The following INTU variants were observed in gnomAD, a reference collection of about 807,000 sequenced individuals.
INTU encodes protein inturned.
INTU carries 68 observed loss-of-function variants against 100.5 expected under a neutral mutation model. The ratio of observed to expected loss-of-function variants is 0.68; its 90% CI spans 0.56 to 0.83. The LOEUF (loss-of-function observed/expected upper bound fraction) is 0.83, where lower values mean the gene tolerates loss of function less well. INTU is among the 40% of genes least tolerant of loss of function. INTU has a pLI of 0.00. For synonymous variants in INTU, 357 were observed against 395.7 expected, an observed-to-expected ratio of 0.90 and a Z score of 1.16; for missense variants, 1,071 against 1,114.7, an observed-to-expected ratio of 0.96 and a Z score of 0.56.
chr4:127,667,744 G>GT (rs2126204925), intron 4 of INTU, among the ~76,000 whole-genome samples: 1 of 152,130 alleles, frequency 6.6e-6, no homozygotes, highest in South Asian at 2.1e-4. Flanking sequence ...ATAATGTTTT[G>GT]TAACTTTTTT....
chr4:127,679,525 G>A (rs1325482247), intron 6 of INTU, among the ~76,000 whole-genome samples: 3 of 152,034 alleles, frequency 2.0e-5, no homozygotes, highest in Admixed American at 6.6e-5. Flanking sequence ...ATGAAATGAA[G>A]GCAGAAATAA....
At chr4:127,660,206 G>A (rs927495338) in intron 3 of INTU, among the ~76,000 whole-genome samples, 12 of 152,152 alleles carry the variant, frequency 7.9e-5, no homozygotes, top group Non-Finnish European at 1.6e-4. Flanking sequence ...ATTTAAGATA[G>A]AGAGGAAGGA....
intron 2 of INTU, 95 bp downstream of exon 2, chr4:127,644,151 T>C (rs1727465964): frequency 3.2e-6 from 4 of 1,251,610 alleles, no homozygotes; most frequent in East Asian, 2.4e-5. Context: ...TTATATACAG[T>C]CTCCACAGAT....
chr4:127,710,759 A>C (rs1485678876), intron 13 of INTU, among the ~76,000 whole-genome samples, 154 bp from the exon 14 acceptor site: 2 of 152,320 alleles, frequency 1.3e-5, no homozygotes, highest in Middle Eastern at 3.4e-3. Flanking sequence ...AGAGGGAATT[A>C]AATGTTTAGC....
rs369968248 is a variant in INTU, at chr4:127,688,811, A to G, written c.1449+944A>G. 8.5e-5 allele frequency among the ~76,000 whole-genome samples: 13 copies of G among 152,070 alleles called. No homozygotes were observed. The East Asian group carries it at 1.9e-3, about 23-fold the overall frequency. Reference sequence around the variant, plus strand: ...GTAGTTATGGGAGCATTATTATACAATTACTATTTGAAAGGAGATGAGGTG... The same window carrying G: ...GTAGTTATGGGAGCATTATTATACAGTTACTATTTGAAAGGAGATGAGGTG... On this transcript the variant is annotated intron_variant, in intron 8 of 15. Transcript: ENST00000335251.
chr4:127,681,648 C>A (rs1374341630), intron 6 of INTU, among the ~76,000 whole-genome samples: 2 of 152,140 alleles, frequency 1.3e-5, no homozygotes, highest in Non-Finnish European at 2.9e-5. Context: ...ACCATAAAAA[C>A]CCTAGAAGAA....
intron 2 of INTU, among the ~76,000 whole-genome samples, chr4:127,651,117 A>C (rs1312092858): frequency 6.6e-6 from 1 of 151,980 alleles, no homozygotes; most frequent in Non-Finnish European, 1.5e-5. Context: ...TCTGGATATT[A>C]GCCCTTTGTC....
In INTU at chr4:127,713,944, A is replaced by G; in HGVS notation, c.2568A>G (p.Lys856=). The G allele has an allele frequency of 4.4e-6, 7 of 1,593,126 alleles. No individual in the cohort carries two copies. The highest frequency in any genetic ancestry group is 6.0e-6 in the Non-Finnish European group (7 of 1,167,012). ...FQQTLVEEKK[K]GLNSGDHSDS... ...TACCTATTAATTTACAGAAAAAGAAAGGACTAAATAGTGGAGACCATTCAG... is the reference window on the plus strand; with the variant it reads ...TACCTATTAATTTACAGAAAAAGAAGGGACTAAATAGTGGAGACCATTCAG... Residue 856 remains lysine, a synonymous_variant, in exon 15 of 16, where the codon AAA becomes AAG. Coordinates refer to ENST00000335251, the MANE Select transcript of INTU (RefSeq NM_015693.4).
chr4:127,681,034 C>T (rs982118042), intron 6 of INTU, among the ~76,000 whole-genome samples: 87 of 151,396 alleles, frequency 5.7e-4, no homozygotes, highest in Non-Finnish European at 9.8e-4. Context: ...ACCTAGGAAT[C>T]CAACTTACAA....
chr4:127,688,206 C>CAA (rs80107806), intron 8 of INTU, among the ~76,000 whole-genome samples: 7 of 115,020 alleles, frequency 6.1e-5, no homozygotes, highest in African/African-American at 1.2e-4. Flanking sequence ...TGTTTCTGTA[C>CAA]AAAAAAAAAA....
chr4:127,642,064 GT>G (rs1248961415), intron 1 of INTU, among the ~76,000 whole-genome samples: 2 of 151,964 alleles, frequency 1.3e-5, no homozygotes, highest in Non-Finnish European at 2.9e-5. Flanking sequence ...AGTAATTAAT[GT>G]GCAATCATGG....
At chr4:127,660,634 C>T (rs1439057122) in intron 3 of INTU, among the ~76,000 whole-genome samples, 1 of 152,040 alleles carries the variant, frequency 6.6e-6, no homozygotes, top group Non-Finnish European at 1.5e-5. Flanking sequence ...ATAGGATGGG[C>T]TAAAGACTGA....
intron 9 of INTU, among the ~76,000 whole-genome samples, chr4:127,702,918 G>A (rs1248647999): frequency 6.6e-6 from 1 of 152,010 alleles, no homozygotes; most frequent in Non-Finnish European, 1.5e-5. Flanking sequence ...TGCTCTGGTT[G>A]CTCAGCATAC....
At chr4:127,705,053 C>T (rs1730819067) in intron 10 of INTU, among the ~76,000 whole-genome samples, 2 of 151,750 alleles carry the variant, frequency 1.3e-5, no homozygotes, top group African/African-American at 4.8e-5. Flanking sequence ...GTTCGTGCCA[C>T]TGCACTCCAG....
chr4:127,659,055 G>T (rs962295518), intron 3 of INTU, among the ~76,000 whole-genome samples: 1 of 152,100 alleles, frequency 6.6e-6, no homozygotes, highest in African/African-American at 2.4e-5. Context: ...GTGTTCCTGG[G>T]AGAATCTAAT....
intron 8 of INTU, among the ~76,000 whole-genome samples, chr4:127,699,030 CAGTT>C (rs1309385146): frequency 1.3e-5 from 2 of 151,974 alleles, no homozygotes; most frequent in African/African-American, 2.4e-5. Flanking sequence ...CAGTAAGACA[CAGTT>C]AGTGTGTGAA....
intron 15 of INTU, among the ~76,000 whole-genome samples, chr4:127,715,759 G>A (rs1731244321): frequency 6.6e-6 from 1 of 152,176 alleles, no homozygotes; most frequent in Admixed American, 6.5e-5. Context: ...GTTGAATTTT[G>A]ATAATGCAGA....
chr4:127,684,618 CCTCTT>C (rs140109483), intron 7 of INTU, 132 bp downstream of exon 7: 7,241 of 536,006 alleles, frequency 0.014, 402 homozygotes, highest in African/African-American at 0.13. Flanking sequence ...CTTTCCTCCT[CCTCTT>C]CCTTCCTCTT....
rs909207587 is a variant in INTU at position 127,724,527 on chromosome 4, T to C, written c.*8091T>C. On this transcript the variant is annotated 3_prime_UTR_variant, in exon 16 of 16. Coordinates refer to ENST00000335251, the MANE Select transcript of INTU (RefSeq NM_015693.4). ...AGTGAACAATAGTTTACTTGACCTT[T>C]AGTTGGAAAAGAAAACTAATGGTGG... 1 of 152,202 alleles carries C rather than the reference T, an allele frequency of 6.6e-6. No homozygotes were observed. 9.4% of individuals were successfully genotyped at this position (152,202 alleles called of 1,614,324 possible).
Sources: allele counts gnomAD v4.1 joint callset (sites outside exome capture counted in the v4.1 genomes callset), GRCh38; gene constraint gnomAD v4.1.1; transcripts MANE v1.5; gene names NCBI Gene and HGNC (gene_info 2026-07-23, HGNC 2026-07-21).